YTHDF3: variants seen among roughly 807,000 people sequenced by gnomAD.
YTHDF3 encodes the protein YTH N6-methyladenosine RNA binding protein F3.
A neutral mutation model predicts 52.5 loss-of-function variants in YTHDF3; 9 were observed. The ratio of observed to expected loss-of-function variants is 0.17; its 90% CI spans 0.10 to 0.30. The LOEUF is 0.30. Ranked by LOEUF, YTHDF3 falls within the 10% of genes least tolerant of loss-of-function variation. The pLI is 1.00. For synonymous variants in YTHDF3, 274 were observed against 243.3 expected, an observed-to-expected ratio of 1.13 and a Z score of -1.18; for missense variants, 534 against 715.0, an observed-to-expected ratio of 0.75 and a Z score of 2.89.
chr8:63,191,038 C>T (rs976199375), intron 4 of YTHDF3, among the ~76,000 whole-genome samples: 3 of 152,166 alleles, frequency 2.0e-5, no homozygotes, highest in Admixed American at 2.0e-4. Flanking sequence ...TTCTAGTCAA[C>T]AGCCTTTTCA....
At chr8:63,179,126 A>G (rs1807897647) in intron 3 of YTHDF3, among the ~76,000 whole-genome samples, 1 of 152,150 alleles carries the variant, frequency 6.6e-6, no homozygotes, top group African/African-American at 2.4e-5. Context: ...TGGCCTTTCT[A>G]CTTATGTGGC....
At chr8:63,170,391 G>C (rs1290405912) in intron 2 of YTHDF3, among the ~76,000 whole-genome samples, 3 of 152,106 alleles carry the variant, frequency 2.0e-5, no homozygotes, top group Non-Finnish European at 2.9e-5. Context: ...ATAGGTTTTG[G>C]ATATGTAGAT....
At chr8:63,196,518 C>T (rs1333776746) in intron 4 of YTHDF3, among the ~76,000 whole-genome samples, 3 of 149,844 alleles carry the variant, frequency 2.0e-5, no homozygotes, top group Non-Finnish European at 4.4e-5. Context: ...GCCAAGATTG[C>T]GCCACTGCAC....
chr8:63,198,604 G>A (rs1202726432), intron 4 of YTHDF3, among the ~76,000 whole-genome samples: 2 of 152,106 alleles, frequency 1.3e-5, no homozygotes, highest in Non-Finnish European at 2.9e-5. Context: ...TTTAGTGCCT[G>A]ATACATTTTT....
intron 4 of YTHDF3, among the ~76,000 whole-genome samples, chr8:63,190,107 T>C (rs1263366834): frequency 6.6e-6 from 1 of 151,688 alleles, no homozygotes; most frequent in Non-Finnish European, 1.5e-5. Context: ...GATTTTAAGA[T>C]ACCTTTGAGA....
intron 3 of YTHDF3, among the ~76,000 whole-genome samples, chr8:63,182,221 C>T (rs1808188204): frequency 6.7e-6 from 1 of 150,028 alleles, no homozygotes; most frequent in African/African-American, 2.5e-5. Context: ...GCGTGCACCA[C>T]CATGCCTGGC....
chr8:63,200,069 C>T (rs1355005906), intron 4 of YTHDF3, among the ~76,000 whole-genome samples: 5 of 152,214 alleles, frequency 3.3e-5, no homozygotes, highest in Non-Finnish European at 7.3e-5. Flanking sequence ...CACAAGGCTA[C>T]AGTCAAGGCA....
intron 3 of YTHDF3, among the ~76,000 whole-genome samples, chr8:63,182,137 T>C (rs908213567): frequency 2.6e-5 from 4 of 151,686 alleles, no homozygotes; most frequent in Admixed American, 6.6e-5. Context: ...AGTGTGATCA[T>C]AGTTCACTGC....
chr8:63,179,633 CG>C (rs1488575279), intron 3 of YTHDF3, among the ~76,000 whole-genome samples: 1 of 152,206 alleles, frequency 6.6e-6, no homozygotes, highest in Non-Finnish European at 1.5e-5. Flanking sequence ...TACACAGACA[CG>C]GCAACCATCC....
rs544923531 is a variant in YTHDF3 at position 63,180,237 on chromosome 8, A to G, written c.135+4821A>G. Among the ~76,000 whole-genome samples the G allele has an allele frequency of 1.1e-4, 17 of 149,094 alleles. No individual in the cohort carries two copies. In the South Asian group the frequency reaches 3.6e-3, roughly 32 times the overall value. On this transcript the variant is annotated intron_variant, in intron 3 of 4. Coordinates refer to ENST00000539294, the MANE Select transcript of YTHDF3 (RefSeq NM_152758.6). ...CTCAGACGGGGCGGTTGCCAGGCAGAGGGTTTCCTCACTTCTCAGACGGGG... is the reference window on the plus strand; with the variant it reads ...CTCAGACGGGGCGGTTGCCAGGCAGGGGGTTTCCTCACTTCTCAGACGGGG...
intron 2 of YTHDF3, 139 bp downstream of exon 2, chr8:63,169,550 G>T: frequency 2.1e-6 from 2 of 944,448 alleles, no homozygotes; most frequent in Non-Finnish European, 3.2e-6. Context: ...CATGGCTAAG[G>T]TAGCCAAGTT....
At chr8:63,196,106 T>A (rs1404029154) in intron 4 of YTHDF3, among the ~76,000 whole-genome samples, 1 of 151,890 alleles carries the variant, frequency 6.6e-6, no homozygotes, top group East Asian at 1.9e-4. Context: ...AGAAAAAATT[T>A]AAAAATTAGC....
intron 4 of YTHDF3, among the ~76,000 whole-genome samples, chr8:63,195,008 T>G (rs1341443919): frequency 6.6e-6 from 1 of 152,246 alleles, no homozygotes; most frequent in East Asian, 1.9e-4. Flanking sequence ...GCTAGATATT[T>G]TTTATTGACT....
intron 4 of YTHDF3, among the ~76,000 whole-genome samples, chr8:63,196,699 T>A (rs1277538733): frequency 6.6e-6 from 1 of 152,072 alleles, no homozygotes; most frequent in Admixed American, 6.6e-5. Context: ...AAATTTAAAA[T>A]CTTATTTTTG....
chr8:63,189,624 C>G (rs182048890), intron 4 of YTHDF3, among the ~76,000 whole-genome samples: 1 of 152,304 alleles, frequency 6.6e-6, no homozygotes, highest in African/African-American at 2.4e-5. Context: ...CAACATTCCT[C>G]AGAGGGAAGG....
At chr8:63,176,776 C>G in intron 3 of YTHDF3, among the ~76,000 whole-genome samples, 1 of 151,988 alleles carries the variant, frequency 6.6e-6, no homozygotes, top group East Asian at 1.9e-4. Context: ...CTCCCAGGCT[C>G]AAGTGATTCT....
At position 63,168,702 on chromosome 8, in the gene YTHDF3, C is replaced by A. The variant is rs576728381; in HGVS notation, c.-176C>A. ...AAGAGGAGCGTGCAAGCGGAAAAGACGGGCCTCTTCCTCCGACTCCCGAGC... is the reference window on the plus strand; with the variant it reads ...AAGAGGAGCGTGCAAGCGGAAAAGAAGGGCCTCTTCCTCCGACTCCCGAGC... On this transcript the variant is annotated 5_prime_UTR_variant, in exon 1 of 5. Transcript: ENST00000539294. 6 of 1,229,396 alleles carry A rather than the reference C, an allele frequency of 4.9e-6. No individual in the cohort carries two copies. In the African/African-American group the frequency reaches 9.0e-5, roughly 19 times the overall value. The allele number at this position is 1,229,396 out of a possible 1,614,324, so 76.2% of individuals were successfully genotyped here. A position where few individuals can be genotyped will look rare whatever the true frequency, so the allele number is the denominator to read the frequency against.
chr8:63,198,433 A>G (rs957364046), intron 4 of YTHDF3, among the ~76,000 whole-genome samples: 1 of 151,968 alleles, frequency 6.6e-6, no homozygotes, highest in African/African-American at 2.4e-5. Flanking sequence ...TGGCTGGCTA[A>G]TTTTTGTATT....
intron 4 of YTHDF3, among the ~76,000 whole-genome samples, chr8:63,192,816 CTTT>C (rs35989091): frequency 2.2e-5 from 3 of 136,644 alleles, no homozygotes; most frequent in African/African-American, 7.9e-5. Context: ...CTACTTATGC[CTTT>C]TTTTTTTTTT....
Sources: gnomAD v4.1 joint callset for allele counts (sites outside exome capture counted in the v4.1 genomes callset) on GRCh38, gnomAD v4.1.1 for gene constraint, MANE v1.5 for transcripts, NCBI Gene and HGNC (gene_info 2026-07-23, HGNC 2026-07-21) for gene names.